UROC1: variants seen among roughly 807,000 people sequenced by gnomAD.
UROC1 encodes urocanate hydratase.
A neutral mutation model predicts 89.5 loss-of-function variants in UROC1; 79 were observed. The observed-to-expected ratio is 0.88, with a 90% CI of 0.74 to 1.06. UROC1 has a LOEUF of 1.06. UROC1 is among the 50% of genes least tolerant of loss of function. The pLI, the probability that UROC1 is intolerant of heterozygous loss-of-function variation, is 0.00. For synonymous variants in UROC1, 361 were observed against 354.8 expected, an observed-to-expected ratio of 1.02 and a Z score of -0.20; for missense variants, 885 against 907.8, an observed-to-expected ratio of 0.97 and a Z score of 0.32.
In UROC1 at chr3:126,498,106, C is replaced by G. The variant is rs1485665051; in HGVS notation, c.1383G>C (p.Leu461=). ...WVCTSGDPQD[L]AVTDELATSV... ...ATGTGGCCAGTTCGTCTGTGACCGC[C>G]AGGTCCTGGGGGTCCCCCGATGTGC... The change falls in exon 14 of 20, where the codon CTG becomes CTC. Residue 461 remains leucine, a synonymous_variant. Coordinates refer to ENST00000290868, the MANE Select transcript of UROC1 (RefSeq NM_144639.3). 2 of 1,614,056 alleles carry G rather than the reference C, an allele frequency of 1.2e-6. No individual in the cohort carries two copies. Among genetic ancestry groups the G allele is most frequent in the African/African-American group, 2.7e-5 (2 of 74,944 alleles).
chr3:126,499,230 G>A, intron 13 of UROC1, 107 bp downstream of exon 13: 1 of 1,237,864 alleles, frequency 8.1e-7, no homozygotes, highest in Admixed American at 1.9e-5. Context: ...GACCTCAGGG[G>A]CGGTCAGAGG....
intron 16 of UROC1, among the ~76,000 whole-genome samples, chr3:126,490,408 C>T (rs1372523160): frequency 3.9e-5 from 6 of 152,132 alleles, no homozygotes; most frequent in African/African-American, 7.2e-5. Context: ...GAGTCCTGGC[C>T]GGGCACAGTG....
At position 126,491,446 on chromosome 3, in the gene UROC1, G is replaced by A. The variant is rs77326087; in HGVS notation, c.1608+972C>T. On this transcript the variant is annotated intron_variant, in intron 16 of 19. Transcript: ENST00000290868. ...TCTGCTGGCCAGCTGACCGCAGCCC[G>A]GGGCGAGTGCGCCTGGAGCTTCCTA... Among the ~76,000 whole-genome samples, 475 of 152,338 alleles carry A rather than the reference G, an allele frequency of 3.1e-3. 3 individuals carry two copies. Among genetic ancestry groups the A allele is most frequent in the African/African-American group, 0.011 (447 of 41,584 alleles).
At chr3:126,491,101 C>T (rs1157860864) in intron 16 of UROC1, among the ~76,000 whole-genome samples, 3 of 152,218 alleles carry the variant, frequency 2.0e-5, no homozygotes, top group Admixed American at 1.3e-4. Flanking sequence ...CCTGTTCCCA[C>T]GTCTTCACCT....
At chr3:126,507,398 G>A (rs1348028205) in intron 6 of UROC1, among the ~76,000 whole-genome samples, 3 of 151,916 alleles carry the variant, frequency 2.0e-5, no homozygotes, top group Admixed American at 2.0e-4. Context: ...TAGGCAGAGG[G>A]ACAGATAGCC....
intron 1 of UROC1, among the ~76,000 whole-genome samples, chr3:126,515,584 C>T (rs1170963890): frequency 4.2e-5 from 5 of 119,302 alleles, no homozygotes; most frequent in Admixed American, 8.0e-5. Flanking sequence ...GCACCCACCA[C>T]CTACCCTCCT....
rs146394421 is a variant in UROC1, at chr3:126,515,252, C to T, written c.126+2342G>A. ...TCCGGGGTGAAGTTTGAGGCATTGG[C>T]GCCCAGCAGGGAGGTGATCAAAGGG... On this transcript the variant is annotated intron_variant, in intron 1 of 19. Coordinates refer to ENST00000290868, the MANE Select transcript of UROC1 (RefSeq NM_144639.3). 9.2e-3 allele frequency among the ~76,000 whole-genome samples: 1,395 copies of T among 152,122 alleles called. 16 individuals are homozygous for T. Among genetic ancestry groups the T allele is most frequent in the Non-Finnish European group, 0.013 (880 of 67,970 alleles).
intron 12 of UROC1, 66 bp downstream of exon 12, chr3:126,499,991 A>G (rs1935877239): frequency 6.7e-7 from 1 of 1,493,042 alleles, no homozygotes; most frequent in Non-Finnish European, 9.3e-7. Context: ...AGCCAGTGGC[A>G]CTGGCCTGAG....
chr3:126,508,637 C>T (rs1249625584), intron 3 of UROC1, among the ~76,000 whole-genome samples, 162 bp from the exon 4 acceptor site: 6 of 152,088 alleles, frequency 3.9e-5, no homozygotes, highest in Admixed American at 2.0e-4. Context: ...GAACACCGGC[C>T]CCAGCTGCAA....
chr3:126,491,142 C>A (rs780931712), intron 16 of UROC1, among the ~76,000 whole-genome samples: 58 of 152,360 alleles, frequency 3.8e-4, no homozygotes, highest in Non-Finnish European at 5.6e-4. Context: ...CCCAGATATT[C>A]TGGCACTTTC....
At chr3:126,501,701 G>T in intron 9 of UROC1, 1 of 1,398,462 alleles carries the variant, frequency 7.2e-7, no homozygotes, top group South Asian at 1.3e-5. Flanking sequence ...TTGGGAAACA[G>T]AAGATTTGAA....
chr3:126,507,134 T>C (rs1313556258), intron 6 of UROC1, among the ~76,000 whole-genome samples: 1 of 150,778 alleles, frequency 6.6e-6, no homozygotes, highest in Non-Finnish European at 1.5e-5. Flanking sequence ...ATGAAAAGCT[T>C]TCATTCCCTG....
chr3:126,498,011 G>A, intron 14 of UROC1, 40 bp downstream of exon 14: 1 of 1,613,476 alleles, frequency 6.2e-7, no homozygotes, highest in Non-Finnish European at 8.5e-7. Context: ...AAGCTTTGGG[G>A]GGGCCACCCA....
chr3:126,496,151 C>T, intron 14 of UROC1, 43 bp from the exon 15 acceptor site: 5 of 1,590,888 alleles, frequency 3.1e-6, no homozygotes, highest in Non-Finnish European at 4.3e-6. Context: ...CCTCCAGGGG[C>T]ACAGACCTGC....
Position 126,482,283 on chromosome 3 carries a change from T to A in UROC1, c.*62A>T. The A allele has an allele frequency of 3.7e-6, 6 of 1,604,416 alleles. No homozygotes were observed. The South Asian group carries it at 5.5e-5, about 15-fold the overall frequency. ...GGGTGTGCAGGAAGGGTGTGTGCCATGGCTGGGCAGGTGAGGATCGCCAGG... is the reference window on the plus strand; with the variant it reads ...GGGTGTGCAGGAAGGGTGTGTGCCAAGGCTGGGCAGGTGAGGATCGCCAGG... On this transcript the variant is annotated 3_prime_UTR_variant, in exon 20 of 20. Transcript: ENST00000290868.
intron 10 of UROC1, 140 bp downstream of exon 10, chr3:126,501,078 G>T (rs1935909000): frequency 8.4e-7 from 1 of 1,187,196 alleles, no homozygotes; most frequent in Non-Finnish European, 1.3e-6. Flanking sequence ...GCTTGGGTAA[G>T]GGTGTGGGCC....
rs1010479288 is a variant in UROC1 at position 126,481,728 on chromosome 3, G to C, written c.*617C>G. The C allele has an allele frequency of 3.3e-5, 5 of 152,632 alleles. No homozygotes were observed. Among genetic ancestry groups the C allele is most frequent in the African/African-American group, 1.2e-4 (5 of 41,410 alleles). 9.5% of individuals were successfully genotyped at this position (152,632 alleles called of 1,614,324 possible). ...GGGCCAGCAAAGGGTCCCCTTTGCTGTACCCCTCAGGCTGTGCTGGCCTAG... is the reference window on the plus strand; with the variant it reads ...GGGCCAGCAAAGGGTCCCCTTTGCTCTACCCCTCAGGCTGTGCTGGCCTAG... On this transcript the variant is annotated 3_prime_UTR_variant, in exon 20 of 20. Coordinates refer to ENST00000290868, the MANE Select transcript of UROC1 (RefSeq NM_144639.3).
At position 126,487,904 on chromosome 3, in the gene UROC1, A is replaced by G. The variant is rs1576710626; in HGVS notation, c.1790+294T>C. Among the ~76,000 whole-genome samples, 4 of 152,310 alleles carry G rather than the reference A, an allele frequency of 2.6e-5. No homozygotes were observed. The South Asian group carries it at 8.3e-4, about 32-fold the overall frequency. ...CTGACATGCTGGAAACTAACTGCAC[A>G]CTGGAAACTGACATGAGGAAGGCGG... On this transcript the variant is annotated intron_variant, in intron 18 of 19. Transcript: ENST00000290868.
intron 10 of UROC1, 122 bp downstream of exon 10, chr3:126,501,096 G>C (rs755408670): frequency 4.1e-6 from 5 of 1,230,564 alleles, no homozygotes; most frequent in Non-Finnish European, 6.0e-6. Flanking sequence ...GCCAACAAGG[G>C]TGGCGCTGAA....
Sources: gnomAD v4.1 joint callset for allele counts (sites outside exome capture counted in the v4.1 genomes callset) on GRCh38, gnomAD v4.1.1 for gene constraint, MANE v1.5 for transcripts, NCBI Gene and HGNC (gene_info 2026-07-23, HGNC 2026-07-21) for gene names.